Variants in CSRNP3 observed in about 807,000 individuals in gnomAD.
CSRNP3 encodes the protein cysteine and serine rich nuclear protein 3, also known as cysteine/serine-rich nuclear protein 3.
CSRNP3 carries 12 observed loss-of-function variants against 48.0 expected under a neutral mutation model. The ratio of observed to expected loss-of-function variants is 0.25; its 90% CI spans 0.16 to 0.41. CSRNP3 has a LOEUF of 0.41. CSRNP3 is among the 10% of genes least tolerant of loss of function. The probability of loss-of-function intolerance (pLI) is 1.00; values close to 1 mark genes in which losing one functional copy is unlikely to be tolerated. For synonymous variants in CSRNP3, 263 were observed against 269.7 expected (o/e 0.98, Z 0.24); for missense variants, 580 against 724.4 (o/e 0.80, Z 2.29).
At chr2:165,512,573 C>G (rs1684522196) in intron 2 of CSRNP3, among the ~76,000 whole-genome samples, 1 of 152,114 alleles carries the variant, frequency 6.6e-6, no homozygotes, top group East Asian at 1.9e-4. Flanking sequence ...TGACTAAGTA[C>G]TATTATTCTT....
intron 1 of CSRNP3, among the ~76,000 whole-genome samples, chr2:165,472,908 C>CA (rs1027829223): frequency 1.3e-5 from 2 of 151,808 alleles, no homozygotes; most frequent in Admixed American, 1.3e-4. Flanking sequence ...ACGTTATTTT[C>CA]AAAAAAAGCT....
chr2:165,500,097 A>G (rs1440170532), intron 2 of CSRNP3, among the ~76,000 whole-genome samples: 2 of 151,282 alleles, frequency 1.3e-5, no homozygotes, highest in African/African-American at 2.4e-5. Flanking sequence ...AATTGAAACA[A>G]TTTTCAAAAG....
chr2:165,485,599 A>G (rs1021303954), intron 1 of CSRNP3, among the ~76,000 whole-genome samples: 4 of 152,208 alleles, frequency 2.6e-5, no homozygotes, highest in African/African-American at 2.4e-5. Flanking sequence ...CCAGAGTCCT[A>G]TAGTCCCTAT....
intron 3 of CSRNP3, among the ~76,000 whole-genome samples, chr2:165,538,884 A>G (rs531371438): frequency 1.3e-5 from 2 of 151,962 alleles, no homozygotes; most frequent in South Asian, 2.1e-4. Context: ...TGTTTTGCCA[A>G]TTTTCAAGTA....
Position 165,689,354 on chromosome 2 carries a change from T to A in CSRNP3, c.*9601T>A, listed in dbSNP as rs1394470679. The A allele has an allele frequency of 5.9e-5, 9 of 152,194 alleles. No homozygotes were observed. The highest frequency in any genetic ancestry group is 6.6e-5 in the Admixed American group (1 of 15,266). The allele number at this position is 152,194 out of a possible 1,614,324, so 9.4% of individuals were successfully genotyped here. A position where few individuals can be genotyped will look rare whatever the true frequency, so the allele number is the denominator to read the frequency against. ...ATGCTGTACTTTTTATTACATATTG[T>A]ACAATATCTTGTCCATTTGTTTGCA... On this transcript the variant is annotated 3_prime_UTR_variant, in exon 7 of 7. Transcript: ENST00000651982.
chr2:165,520,243 A>G (rs1684633832), intron 3 of CSRNP3, among the ~76,000 whole-genome samples: 1 of 152,112 alleles, frequency 6.6e-6, no homozygotes, highest in Non-Finnish European at 1.5e-5. Context: ...TTTTATGGTA[A>G]TCTGGTTGGA....
At chr2:165,495,747 G>A (rs1335914276) in intron 2 of CSRNP3, among the ~76,000 whole-genome samples, 3 of 152,056 alleles carry the variant, frequency 2.0e-5, no homozygotes, top group Admixed American at 6.6e-5. Flanking sequence ...GATGATAGGT[G>A]TAAACTTCCT....
At chr2:165,496,675 T>G (rs1684287432) in intron 2 of CSRNP3, among the ~76,000 whole-genome samples, 1 of 152,008 alleles carries the variant, frequency 6.6e-6, no homozygotes, top group African/African-American at 2.4e-5. Flanking sequence ...TCTCAATCTT[T>G]TTTTTCCTTT....
rs961700464 is a variant in CSRNP3 at position 165,681,263 on chromosome 2, C to A, written c.*1510C>A. 6.6e-6 allele frequency: 1 copy of A among 151,930 alleles called. No individual in the cohort carries two copies. Among genetic ancestry groups the A allele is most frequent in the African/African-American group, 2.4e-5 (1 of 41,362 alleles). The allele number at this position is 151,930 out of a possible 1,614,324, so 9.4% of individuals were successfully genotyped here. A position where few individuals can be genotyped will look rare whatever the true frequency, so the allele number is the denominator to read the frequency against. On this transcript the variant is annotated 3_prime_UTR_variant, in exon 7 of 7. Coordinates refer to ENST00000651982, the MANE Select transcript of CSRNP3 (RefSeq NM_001172173.2). ...TGCTAAACCTGTTTCATATTTTTGACCTTCTATTGTTATATCACTTCACAT... is the reference window on the plus strand; with the variant it reads ...TGCTAAACCTGTTTCATATTTTTGAACTTCTATTGTTATATCACTTCACAT...
chr2:165,545,315 G>T (rs908388616), intron 3 of CSRNP3, among the ~76,000 whole-genome samples: 1 of 152,126 alleles, frequency 6.6e-6, no homozygotes, highest in African/African-American at 2.4e-5. Flanking sequence ...GTGTGAGAAG[G>T]TTGTTAATAT....
In CSRNP3 at chr2:165,679,777, A is replaced by G. The variant is rs762249469; in HGVS notation, c.*24A>G. On this transcript the variant is annotated 3_prime_UTR_variant, in exon 7 of 7. Transcript: ENST00000651982. ...AGTAGCTTAAATTATTCTAGGACCA[A>G]CTCTTCTCTTATTTAAGGCACTGTA... The G allele has an allele frequency of 1.3e-5, 20 of 1,588,892 alleles. No homozygotes were observed. Among genetic ancestry groups the G allele is most frequent in the Non-Finnish European group, 1.7e-5 (20 of 1,165,708 alleles).
intron 3 of CSRNP3, among the ~76,000 whole-genome samples, chr2:165,559,007 C>T (rs1272457179): frequency 6.6e-6 from 1 of 152,068 alleles, no homozygotes; most frequent in Admixed American, 6.6e-5. Flanking sequence ...TCATCTAAAT[C>T]ATCTATGGTA....
In CSRNP3 at chr2:165,678,847, A is replaced by G. The variant is rs1248814234; in HGVS notation, c.852A>G (p.Gln284=). The G allele has an allele frequency of 6.2e-7, 1 of 1,614,046 alleles. No individual in the cohort carries two copies. The highest frequency in any genetic ancestry group is 1.1e-5 in the South Asian group (1 of 91,072). The change falls in exon 7 of 7, where the codon CAA becomes CAG. Residue 284 remains glutamine (Q), a synonymous_variant. Coordinates refer to ENST00000651982, the MANE Select transcript of CSRNP3 (RefSeq NM_001172173.2). ...AACTGGAGAAAAACCGAGAGCAGCAAATCCCCACGCTGAATGGCTGCCACA... is the reference window on the plus strand; with the variant it reads ...AACTGGAGAAAAACCGAGAGCAGCAGATCCCCACGCTGAATGGCTGCCACA... ...KLELEKNREQ[Q]IPTLNGCHSE... is the part of the protein sequence containing the mutation.
chr2:165,596,498 A>T (rs1685813951), intron 4 of CSRNP3, among the ~76,000 whole-genome samples: 1 of 152,194 alleles, frequency 6.6e-6, no homozygotes. Context: ...GTTGAACATG[A>T]AATAAATATA....
chr2:165,634,996 C>A (rs1686603626), intron 4 of CSRNP3, among the ~76,000 whole-genome samples: 1 of 152,208 alleles, frequency 6.6e-6, no homozygotes, highest in African/African-American at 2.4e-5. Flanking sequence ...CCAGCCAGTG[C>A]AGTCCTGAGG....
intron 3 of CSRNP3, among the ~76,000 whole-genome samples, chr2:165,573,231 T>G (rs1685399379): frequency 6.6e-6 from 1 of 152,152 alleles, no homozygotes; most frequent in Non-Finnish European, 1.5e-5. Context: ...CAAAACCTTT[T>G]ATTTTATAAA....
intron 3 of CSRNP3, among the ~76,000 whole-genome samples, chr2:165,591,362 G>T (rs936525697): frequency 6.6e-6 from 1 of 152,186 alleles, no homozygotes; most frequent in Admixed American, 6.5e-5. Flanking sequence ...AAAATTTGAA[G>T]TCTGATGATG....
At chr2:165,628,671 G>C (rs1686480786) in intron 4 of CSRNP3, among the ~76,000 whole-genome samples, 1 of 152,064 alleles carries the variant, frequency 6.6e-6, no homozygotes, top group South Asian at 2.1e-4. Flanking sequence ...TTGCAGTGAG[G>C]CGAGATGGCG....
intron 6 of CSRNP3, 111 bp from the exon 7 acceptor site, chr2:165,678,590 T>C (rs1305822267): frequency 1.4e-5 from 18 of 1,280,856 alleles, no homozygotes; most frequent in Non-Finnish European, 1.9e-5. Flanking sequence ...CTCTGGCATA[T>C]GTGGAATTAA....
Sources: gnomAD v4.1 joint callset for allele counts (sites outside exome capture counted in the v4.1 genomes callset) on GRCh38, gnomAD v4.1.1 for gene constraint, MANE v1.5 for transcripts, NCBI Gene and HGNC (gene_info 2026-07-23, HGNC 2026-07-21) for gene names.